TGFA: variants seen among roughly 807,000 people sequenced by gnomAD.
TGFA encodes transforming growth factor alpha, also known as protransforming growth factor alpha.
In TGFA, 12 loss-of-function variants were observed where a neutral mutation model predicts 21.7. That is an observed-to-expected ratio of 0.55 (90% CI 0.35 to 0.90). The LOEUF (loss-of-function observed/expected upper bound fraction) is 0.90, where lower values mean the gene tolerates loss of function less well. Among genes scored for constraint, TGFA ranks in the 40% least tolerant of loss-of-function variants. The pLI, the probability that TGFA is intolerant of heterozygous loss-of-function variation, is 0.01. For missense variants in TGFA, 178 were observed against 210.8 expected, an observed-to-expected ratio of 0.84 and a Z score of 0.96; for synonymous variants, 79 against 88.1, an observed-to-expected ratio of 0.90 and a Z score of 0.58.
chr2:70,516,549 G>C (rs1488447061), intron 1 of TGFA, among the ~76,000 whole-genome samples: 1 of 152,144 alleles, frequency 6.6e-6, no homozygotes, highest in African/African-American at 2.4e-5. Flanking sequence ...CAGGGGGACA[G>C]GGAGAGAAAA....
At chr2:70,484,414 T>C (rs1442832807) in intron 2 of TGFA, among the ~76,000 whole-genome samples, 1 of 152,242 alleles carries the variant, frequency 6.6e-6, no homozygotes, top group African/African-American at 2.4e-5. Flanking sequence ...TCTATGATGA[T>C]TTAACTTTTG....
At chr2:70,507,786 C>T (rs549245289) in intron 2 of TGFA, among the ~76,000 whole-genome samples, 34 of 152,286 alleles carry the variant, frequency 2.2e-4, no homozygotes, top group Admixed American at 3.9e-4. Flanking sequence ...ATGGTAGATG[C>T]GCTATTAACT....
At chr2:70,453,122 T>C in intron 5 of TGFA, 96 bp downstream of exon 5, 1 of 1,114,488 alleles carries the variant, frequency 9.0e-7, no homozygotes, top group Non-Finnish European at 1.3e-6. Flanking sequence ...TCTCCTCTCT[T>C]CCTGCTTCAT....
intron 1 of TGFA, among the ~76,000 whole-genome samples, chr2:70,533,141 C>T (rs1230542303): frequency 1.3e-5 from 2 of 152,074 alleles, no homozygotes; most frequent in Non-Finnish European, 2.9e-5. Context: ...GGATTACAGG[C>T]GTGAGCCGCC....
chr2:70,521,617 GTT>G (rs35177436), intron 1 of TGFA, among the ~76,000 whole-genome samples: 6 of 87,094 alleles, frequency 6.9e-5, no homozygotes, highest in Admixed American at 3.3e-4. Flanking sequence ...TTGTTTGTTT[GTT>G]TTTTTTTTTT....
chr2:70,453,407 TG>T, intron 4 of TGFA, 80 bp from the exon 5 acceptor site: 1 of 1,293,972 alleles, frequency 7.7e-7, no homozygotes, highest in South Asian at 1.3e-5. Context: ...CCTAGGGGCC[TG>T]CTGGGCAGCT....
At chr2:70,485,121 G>C (rs891786300) in intron 2 of TGFA, among the ~76,000 whole-genome samples, 6 of 152,124 alleles carry the variant, frequency 3.9e-5, no homozygotes, top group Non-Finnish European at 7.4e-5. Flanking sequence ...CTATAAATCT[G>C]TAGTTACCCA....
At chr2:70,510,498 T>C (rs1672062194) in intron 2 of TGFA, among the ~76,000 whole-genome samples, 1 of 151,972 alleles carries the variant, frequency 6.6e-6, no homozygotes, top group Non-Finnish European at 1.5e-5. Context: ...GTCCAATAGA[T>C]GAGGAAACAA....
At chr2:70,511,969 T>C (rs540768754) in intron 2 of TGFA, among the ~76,000 whole-genome samples, 31 of 149,042 alleles carry the variant, frequency 2.1e-4, no homozygotes, top group African/African-American at 7.0e-4. Context: ...CTGGTGGGAG[T>C]TGGTCCCCAG....
chr2:70,462,824 C>G (rs1553491607), intron 3 of TGFA, among the ~76,000 whole-genome samples: 1 of 152,112 alleles, frequency 6.6e-6, no homozygotes, highest in African/African-American at 2.4e-5. Context: ...CGTGCCTCCC[C>G]CAAGATGGTC....
At chr2:70,457,542 CTTCT>C (rs1418592656) in intron 3 of TGFA, among the ~76,000 whole-genome samples, 96 of 131,432 alleles carry the variant, frequency 7.3e-4, no homozygotes, top group African/African-American at 2.3e-3. Flanking sequence ...CCAGGCGGGA[CTTCT>C]TTTTTTTTTT....
chr2:70,533,481 C>T (rs1553503980), intron 1 of TGFA, among the ~76,000 whole-genome samples: 1 of 152,146 alleles, frequency 6.6e-6, no homozygotes, highest in Non-Finnish European at 1.5e-5. Context: ...GAAAATACCA[C>T]AAGGGCCTCT....
intron 2 of TGFA, among the ~76,000 whole-genome samples, chr2:70,499,478 C>A (rs1671674205): frequency 6.6e-6 from 1 of 152,190 alleles, no homozygotes; most frequent in South Asian, 2.1e-4. Context: ...GCAGCATAAC[C>A]TAACATCTCC....
At chr2:70,508,477 A>AG (rs1314388502) in intron 2 of TGFA, among the ~76,000 whole-genome samples, 4 of 152,026 alleles carry the variant, frequency 2.6e-5, no homozygotes, top group Non-Finnish European at 5.9e-5. Flanking sequence ...AGGGAGGTGA[A>AG]GGGGGGGAAT....
chr2:70,553,333 C>A (rs782500961), intron 1 of TGFA: 45 of 1,496,374 alleles, frequency 3.0e-5, no homozygotes, highest in Non-Finnish European at 3.9e-5. Flanking sequence ...GGCCCCCGTT[C>A]CGAGGCGGCC....
chr2:70,466,541 A>AC (rs1670571298), intron 2 of TGFA, among the ~76,000 whole-genome samples: 1 of 152,138 alleles, frequency 6.6e-6, no homozygotes, highest in Non-Finnish European at 1.5e-5. Context: ...AAACAAACAA[A>AC]AAAACCAAAA....
At chr2:70,538,993 C>T (rs1434145194) in intron 1 of TGFA, among the ~76,000 whole-genome samples, 1 of 152,148 alleles carries the variant, frequency 6.6e-6, no homozygotes, top group Non-Finnish European at 1.5e-5. Context: ...CTTCAGCAAC[C>T]ACAACCCTGA....
intron 1 of TGFA, among the ~76,000 whole-genome samples, chr2:70,547,235 T>C (rs1254159454): frequency 2.0e-5 from 3 of 152,094 alleles, no homozygotes; most frequent in Non-Finnish European, 2.9e-5. Context: ...GTCGTTACAA[T>C]AAATGTAGTC....
chr2:70,471,672 G>C (rs1029969222), intron 2 of TGFA, among the ~76,000 whole-genome samples: 1 of 152,060 alleles, frequency 6.6e-6, no homozygotes, highest in Non-Finnish European at 1.5e-5. Flanking sequence ...CAGGGACAGG[G>C]ATGTCACTTA....
Sources: allele counts gnomAD v4.1 joint callset (sites outside exome capture counted in the v4.1 genomes callset), GRCh38; gene constraint gnomAD v4.1.1; transcripts MANE v1.5; gene names NCBI Gene and HGNC (gene_info 2026-07-23, HGNC 2026-07-21).